KCNU1: variants seen among roughly 807,000 people sequenced by gnomAD.
The protein encoded by KCNU1 is potassium calcium-activated channel subfamily U member 1, also known as potassium channel subfamily U member 1.
In KCNU1, 93 loss-of-function variants were observed where a neutral mutation model predicts 126.8. The observed-to-expected ratio is 0.73, with a 90% CI of 0.62 to 0.87. The LOEUF (loss-of-function observed/expected upper bound fraction) is 0.87. KCNU1 is among the 40% of genes least tolerant of loss of function. The probability of loss-of-function intolerance (pLI) is 0.00; values close to 1 mark genes in which losing one functional copy is unlikely to be tolerated. For synonymous variants in KCNU1, 523 were observed against 494.2 expected (o/e 1.06, Z -0.77); for missense variants, 1,330 against 1,367.1 (o/e 0.97, Z 0.43).
intron 24 of KCNU1, among the ~76,000 whole-genome samples, chr8:36,924,280 G>A (rs2117594526): frequency 6.6e-6 from 1 of 152,350 alleles, no homozygotes; most frequent in South Asian, 2.1e-4. Flanking sequence ...CTTAAATGCA[G>A]AAGAATCTGA....
rs559123518 is a variant in KCNU1, at chr8:36,910,953, C to A, written c.2355C>A (p.Asp785Glu). 6.0e-5 allele frequency: 96 copies of A among 1,612,566 alleles called. No homozygotes were observed. In the South Asian group the frequency reaches 9.9e-4, roughly 17 times the overall value. The change falls in exon 22 of 27, where the codon GAC becomes GAA. Residue 785 changes from aspartate (D) to glutamate (E), a missense_variant. By Grantham distance (45) the Asp-to-Glu change is conservative (BLOSUM62 2). Coordinates refer to ENST00000399881, the MANE Select transcript of KCNU1 (RefSeq NM_001031836.3). ...AGGGATGTGCACTTTATTCTGGAGA[C>A]CTCCATGCGGCCAACATAGAGCAAT... ...ILPGCALYSGDLHAANIEQCS... is the reference protein window; with the variant it reads ...ILPGCALYSGELHAANIEQCS...
At chr8:36,926,509 C>A (rs947729552) in intron 24 of KCNU1, among the ~76,000 whole-genome samples, 1 of 151,994 alleles carries the variant, frequency 6.6e-6, no homozygotes, top group African/African-American at 2.4e-5. Context: ...GCACAAGAGA[C>A]GTCTGTTGTT....
chr8:36,925,284 T>C (rs1277867023), intron 24 of KCNU1, among the ~76,000 whole-genome samples: 1 of 152,206 alleles, frequency 6.6e-6, no homozygotes, highest in East Asian at 1.9e-4. Flanking sequence ...TGATAAGTAC[T>C]TATTTTAGGA....
At chr8:36,826,193 T>A (rs531313068) in intron 10 of KCNU1, among the ~76,000 whole-genome samples, 16 of 151,478 alleles carry the variant, frequency 1.1e-4, no homozygotes, top group African/African-American at 3.9e-4. Context: ...ATTTTTTTTA[T>A]TTTTTATTAT....
chr8:36,842,330 G>C (rs1032950699), intron 16 of KCNU1, among the ~76,000 whole-genome samples: 7 of 152,208 alleles, frequency 4.6e-5, no homozygotes, highest in Admixed American at 4.6e-4. Context: ...TCAAAGACCT[G>C]TCTGAGTTGA....
chr8:36,900,402 C>T (rs2117484725), intron 19 of KCNU1, among the ~76,000 whole-genome samples: 1 of 146,348 alleles, frequency 6.8e-6, no homozygotes, highest in Non-Finnish European at 1.5e-5. Flanking sequence ...AAAGAATAAA[C>T]AGCAATGAGA....
intron 24 of KCNU1, 79 bp downstream of exon 24, chr8:36,922,708 A>C: frequency 1.5e-6 from 2 of 1,366,318 alleles, no homozygotes; most frequent in Non-Finnish European, 2.0e-6. Flanking sequence ...GGCTGAGTAG[A>C]TGATAACACC....
intron 26 of KCNU1, among the ~76,000 whole-genome samples, chr8:36,934,459 C>G (rs886522624): frequency 2.0e-5 from 3 of 151,964 alleles, no homozygotes; most frequent in African/African-American, 4.8e-5. Context: ...CTCTCTCTCT[C>G]CCTCTCTACC....
intron 19 of KCNU1, among the ~76,000 whole-genome samples, chr8:36,877,092 A>G (rs1390407251): frequency 6.6e-6 from 1 of 152,114 alleles, no homozygotes; most frequent in East Asian, 1.9e-4. Context: ...TTAGAAGCAC[A>G]CTCTAAAATA....
chr8:36,882,335 C>T (rs1806517495), intron 19 of KCNU1, among the ~76,000 whole-genome samples: 5 of 152,158 alleles, frequency 3.3e-5, no homozygotes, highest in Admixed American at 2.6e-4. Context: ...TTGAGTAGCA[C>T]AGAAAGTTTT....
At position 36,807,410 on chromosome 8, in the gene KCNU1, C is replaced by A; in HGVS notation, c.616C>A (p.Leu206Ile). The A allele has an allele frequency of 6.2e-7, 1 of 1,613,484 alleles. No homozygotes were observed. Among genetic ancestry groups the A allele is most frequent in the Non-Finnish European group, 8.5e-7 (1 of 1,179,522 alleles). ...RFLRALRLLELPQILQILRAI... is the reference protein window; with the variant it reads ...RFLRALRLLEIPQILQILRAI... ...CCTAAGAGCCTTGCGCCTGCTAGAA[C>A]TCCCTCAAATCTTGCAAATTCTACG... Residue 206 changes from leucine to isoleucine, a missense_variant, in exon 6 of 27, where the codon CTC (leucine) becomes ATC (isoleucine). By Grantham distance (5) the Leu-to-Ile change is conservative. Around this residue, in one of 3 missense-constraint regions of KCNU1, gnomAD observed 247 missense variants for 255.4 expected, o/e 0.97. Coordinates refer to ENST00000399881, the MANE Select transcript of KCNU1 (RefSeq NM_001031836.3).
Position 36,814,157 on chromosome 8 carries a change from T to G in KCNU1, c.733-50T>G, listed in dbSNP as rs370440693. ...ATGTTTTGCCTATTCTTTAAAAATC[T>G]TCTCTTGGATTCTATTCAGATGTTT... On this transcript the variant is annotated intron_variant, in intron 7 of 26. Transcript: ENST00000399881. The G allele has an allele frequency of 2.8e-5, 40 of 1,443,276 alleles. No individual in the cohort carries two copies. The African/African-American group carries it at 5.2e-4, about 19-fold the overall frequency. 89.4% of individuals were successfully genotyped at this position (1,443,276 alleles called of 1,614,324 possible).
At chr8:36,900,693 TAGCC>T (rs1807381691) in intron 19 of KCNU1, among the ~76,000 whole-genome samples, 5 of 152,130 alleles carry the variant, frequency 3.3e-5, no homozygotes, top group African/African-American at 1.2e-4. Flanking sequence ...AGGGCAGATG[TAGCC>T]TTTGATATAC....
intron 19 of KCNU1, chr8:36,888,529 T>C (rs777766868): frequency 1.9e-6 from 1 of 532,446 alleles, no homozygotes; most frequent in South Asian, 1.4e-5. Flanking sequence ...TCTCTGACAT[T>C]TACAAGATCT....
intron 18 of KCNU1, among the ~76,000 whole-genome samples, chr8:36,862,575 A>C (rs1375969384): frequency 6.6e-6 from 1 of 152,158 alleles, no homozygotes; most frequent in South Asian, 2.1e-4. Flanking sequence ...ACACACATGC[A>C]CCTTCTTCCA....
chr8:36,832,741 C>T lies in KCNU1; in HGVS notation c.1107-813C>T, dbSNP rs555875132. Among the ~76,000 whole-genome samples the T allele has an allele frequency of 2.4e-4, 37 of 151,766 alleles. 1 individual carries two copies. In the South Asian group the frequency reaches 6.7e-3, roughly 27 times the overall value. ...TGTTCCTTTTTCATTGTTTCTTATT[C>T]TTGTTTTCATCATTTCTTTTATTTT... On this transcript the variant is annotated intron_variant, in intron 10 of 26. Transcript: ENST00000399881.
At position 36,835,348 on chromosome 8, in the gene KCNU1, C is replaced by CTTTTCTT. The variant is rs532793244; in HGVS notation, c.1295+484_1295+485insCTTTTTT. Among the ~76,000 whole-genome samples, 26 of 141,694 alleles carry CTTTTCTT rather than the reference C, an allele frequency of 1.8e-4. No homozygotes were observed. The East Asian group carries it at 2.3e-3, about 12-fold the overall frequency. 93.0% of individuals were successfully genotyped at this position (141,694 alleles called of 152,430 possible). On this transcript the variant is annotated intron_variant, in intron 12 of 26. Coordinates refer to ENST00000399881, the MANE Select transcript of KCNU1 (RefSeq NM_001031836.3). ...TAAGTATTCTCTTTTCTTTTCTTTT[C>CTTTTCTT]TTTTTTTTTTTTTGAGACGGAGTTT...
intron 19 of KCNU1, chr8:36,888,624 G>A (rs757430640): frequency 2.4e-5 from 13 of 534,308 alleles, no homozygotes; most frequent in South Asian, 1.8e-4. Flanking sequence ...TCACTCATTG[G>A]CAGAAATTCC....
chr8:36,817,499 C>CAAAAAA lies in KCNU1; in HGVS notation c.996-130_996-125dup, dbSNP rs375306964. On this transcript the variant is annotated intron_variant, in intron 9 of 26. Transcript: ENST00000399881. ...GGGCAGCAAGAGCAAAACTCCATCT[C>CAAAAAA]AAAAAAAAAAAAAAAAAAAAAAAAA... 2.3e-3 allele frequency: 550 copies of CAAAAAA among 234,654 alleles called. 53 individuals are homozygous for CAAAAAA. In the East Asian group the frequency reaches 0.031, roughly 13 times the overall value. The allele number at this position is 234,654 out of a possible 1,614,324, so 14.5% of individuals were successfully genotyped here.
Sources: gnomAD v4.1 joint callset for allele counts (sites outside exome capture counted in the v4.1 genomes callset) on GRCh38, gnomAD v4.1.1 for gene constraint, gnomAD v4.1.1 regional missense constraint, MANE v1.5 for transcripts, NCBI Gene and HGNC (gene_info 2026-07-23, HGNC 2026-07-21) for gene names.